Variants in CTNNA3 observed in about 807,000 individuals in gnomAD.
CTNNA3 encodes catenin alpha 3.
CTNNA3 carries 76 observed loss-of-function variants against 95.7 expected under a neutral mutation model. The ratio of observed to expected loss-of-function variants is 0.79; its 90% CI spans 0.66 to 0.96. CTNNA3 has a LOEUF of 0.96. Among genes scored for constraint, CTNNA3 ranks in the 40% least tolerant of loss-of-function variants. The probability of loss-of-function intolerance (pLI) is 0.00; values close to 1 mark genes in which losing one functional copy is unlikely to be tolerated. For synonymous variants in CTNNA3, 431 were observed against 374.4 expected, an observed-to-expected ratio of 1.15 and a Z score of -1.74; for missense variants, 1,191 against 1,089.8, an observed-to-expected ratio of 1.09 and a Z score of -1.31.
intron 7 of CTNNA3, among the ~76,000 whole-genome samples, chr10:66,789,995 A>G (rs955271610): frequency 6.6e-6 from 1 of 152,170 alleles, no homozygotes; most frequent in African/African-American, 2.4e-5. Flanking sequence ...GGGAAAATAT[A>G]TTAAAAATGA....
At chr10:67,032,646 G>T (rs1482135511) in intron 7 of CTNNA3, among the ~76,000 whole-genome samples, 2 of 152,118 alleles carry the variant, frequency 1.3e-5, no homozygotes, top group Admixed American at 6.5e-5. Flanking sequence ...GAAATTCAAA[G>T]GTAGTTAACA....
chr10:67,313,185 C>G (rs945477389), intron 5 of CTNNA3, among the ~76,000 whole-genome samples: 1 of 151,930 alleles, frequency 6.6e-6, no homozygotes, highest in East Asian at 1.9e-4. Flanking sequence ...TTAGGTAATC[C>G]TAGCACTTTG....
At chr10:66,050,514 A>T (rs1221110024) in intron 15 of CTNNA3, among the ~76,000 whole-genome samples, 1 of 151,936 alleles carries the variant, frequency 6.6e-6, no homozygotes, top group Non-Finnish European at 1.5e-5. Context: ...TTTAGCCTCA[A>T]GCTCCTGGGC....
Position 67,543,406 on chromosome 10 carries a change from C to A in CTNNA3, c.293-3737G>T, listed in dbSNP as rs566853512. On this transcript the variant is annotated intron_variant, in intron 3 of 17. Transcript: ENST00000433211. Reference sequence around the variant, plus strand: ...CCAAATACACATATTACCAAATATTCTTTATTTTATAAAGCTTCCTATATG... The same window carrying A: ...CCAAATACACATATTACCAAATATTATTTATTTTATAAAGCTTCCTATATG... 2.0e-5 allele frequency among the ~76,000 whole-genome samples: 3 copies of A among 152,084 alleles called. No homozygotes were observed. The South Asian group carries it at 6.2e-4, about 32-fold the overall frequency.
chr10:66,303,495 T>TAA, intron 12 of CTNNA3, among the ~76,000 whole-genome samples: 1 of 151,964 alleles, frequency 6.6e-6, no homozygotes, highest in South Asian at 2.1e-4. Context: ...TCATTATGGG[T>TAA]AAAAAAACTT....
intron 5 of CTNNA3, among the ~76,000 whole-genome samples, chr10:67,464,871 A>G (rs1273370160): frequency 6.8e-6 from 1 of 146,310 alleles, no homozygotes; most frequent in African/African-American, 2.7e-5. Context: ...TAAGAAAAAA[A>G]AAAAAGAAAA....
intron 13 of CTNNA3, among the ~76,000 whole-genome samples, chr10:66,240,085 T>C (rs910453411): frequency 2.6e-5 from 4 of 151,998 alleles, no homozygotes; most frequent in African/African-American, 7.2e-5. Flanking sequence ...ATTGTGTAAC[T>C]TATATTTTTG....
intron 5 of CTNNA3, among the ~76,000 whole-genome samples, chr10:67,315,720 A>G (rs1841017276): frequency 6.6e-6 from 1 of 152,200 alleles, no homozygotes; most frequent in African/African-American, 2.4e-5. Flanking sequence ...AACTACAGTT[A>G]CAGAACAAAC....
At chr10:67,033,551 C>A (rs1221301246) in intron 7 of CTNNA3, among the ~76,000 whole-genome samples, 1 of 152,204 alleles carries the variant, frequency 6.6e-6, no homozygotes, top group Non-Finnish European at 1.5e-5. Context: ...ACTTCTACTA[C>A]TTATAACACA....
At chr10:66,543,914 T>TAC (rs1841954620) in intron 10 of CTNNA3, among the ~76,000 whole-genome samples, 2 of 4,660 alleles carry the variant, frequency 4.3e-4, no homozygotes, top group African/African-American at 1.0e-3. Context: ...TGTGTGTGTA[T>TAC]ATATATATAT....
intron 7 of CTNNA3, among the ~76,000 whole-genome samples, chr10:66,829,998 T>TG (rs888471088): frequency 6.7e-5 from 10 of 148,364 alleles, no homozygotes; most frequent in African/African-American, 2.6e-4. Context: ...CCAGAGTAGC[T>TG]GGGACCACAG....
At chr10:66,134,080 T>C (rs2083244684) in intron 13 of CTNNA3, among the ~76,000 whole-genome samples, 1 of 152,032 alleles carries the variant, frequency 6.6e-6, no homozygotes, top group African/African-American at 2.4e-5. Flanking sequence ...AAAATCAAAC[T>C]ATAAATAATT....
intron 9 of CTNNA3, among the ~76,000 whole-genome samples, chr10:66,644,320 AT>A (rs1845623975): frequency 6.8e-6 from 1 of 147,870 alleles, no homozygotes; most frequent in African/African-American, 2.5e-5. Flanking sequence ...ATATATATAT[AT>A]ATAAAATAAT....
At chr10:66,149,173 T>A (rs2084055449) in intron 13 of CTNNA3, among the ~76,000 whole-genome samples, 1 of 148,206 alleles carries the variant, frequency 6.7e-6, no homozygotes, top group African/African-American at 2.4e-5. Flanking sequence ...TAAAGCTAAA[T>A]ATAGTTAACT....
chr10:67,174,844 C>G (rs1345658887), intron 7 of CTNNA3, among the ~76,000 whole-genome samples: 1 of 152,078 alleles, frequency 6.6e-6, no homozygotes, highest in African/African-American at 2.4e-5. Context: ...GTTGATATCT[C>G]TGTTTTTGGC....
intron 7 of CTNNA3, among the ~76,000 whole-genome samples, chr10:66,974,281 G>A (rs114814575): frequency 4.6e-4 from 70 of 152,310 alleles, no homozygotes; most frequent in African/African-American, 1.6e-3. Flanking sequence ...TGGAGAATAA[G>A]TTATTCCTTA....
chr10:67,096,564 A>G (rs1858006589), intron 7 of CTNNA3, among the ~76,000 whole-genome samples: 1 of 151,912 alleles, frequency 6.6e-6, no homozygotes, highest in South Asian at 2.1e-4. Context: ...TATTAAACCA[A>G]GATCAGGACT....
chr10:67,745,007 C>A (rs568508401), intron 1 of CTNNA3, among the ~76,000 whole-genome samples: 3 of 152,028 alleles, frequency 2.0e-5, no homozygotes, highest in Non-Finnish European at 2.9e-5. Context: ...AGTCAGGAAA[C>A]AACAGGTGCT....
chr10:67,218,929 T>C (rs1463609310), intron 6 of CTNNA3, among the ~76,000 whole-genome samples: 7 of 152,206 alleles, frequency 4.6e-5, no homozygotes, highest in African/African-American at 1.7e-4. Flanking sequence ...TATTCCCATT[T>C]AACTTGGAGT....
Sources: allele counts gnomAD v4.1 joint callset (sites outside exome capture counted in the v4.1 genomes callset), GRCh38; gene constraint gnomAD v4.1.1; transcripts MANE v1.5; gene names NCBI Gene and HGNC (gene_info 2026-07-23, HGNC 2026-07-21).